MYO6: variants seen among roughly 807,000 people sequenced by gnomAD.
MYO6 encodes the protein myosin VI, also known as unconventional myosin-VI.
MYO6 carries 74 observed loss-of-function variants against 178.7 expected under a neutral mutation model. The observed-to-expected ratio is 0.41, with a 90% CI of 0.34 to 0.50. The LOEUF is 0.50. Among genes scored for constraint, MYO6 ranks in the 20% least tolerant of loss-of-function variants. MYO6 has a pLI of 0.09. For synonymous variants in MYO6, 477 were observed against 504.6 expected (o/e 0.95, Z 0.73); for missense variants, 1,330 against 1,547.4 (o/e 0.86, Z 2.36).
chr6:75,806,349 C>G (rs1770084466), intron 1 of MYO6, among the ~76,000 whole-genome samples: 1 of 150,324 alleles, frequency 6.7e-6, no homozygotes, highest in Admixed American at 6.6e-5. Flanking sequence ...GATCATGCCA[C>G]TGCACTCCAG....
intron 1 of MYO6, among the ~76,000 whole-genome samples, chr6:75,767,278 G>C (rs371847376): frequency 7.2e-5 from 11 of 152,090 alleles, no homozygotes; most frequent in African/African-American, 2.4e-4. Flanking sequence ...TGCCCATCTT[G>C]GCCTCCCAGA....
At position 75,848,428 on chromosome 6, in the gene MYO6, A is replaced by G. The variant is rs777664874; in HGVS notation, c.975A>G (p.Lys325=). The part of the protein sequence containing the change: ...GDFIRMCTAM[K]KIGLDDEEKL... ...TTATTAGAATGTGCACGGCTATGAA[A>G]AAAATTGGTTTGGATGATGAAGAAA... is the stretch of plus-strand genomic sequence containing the variant. Residue 325 remains lysine, a synonymous_variant, in exon 11 of 35, where the codon AAA becomes AAG. Coordinates refer to ENST00000369977, the MANE Select transcript of MYO6 (RefSeq NM_004999.4). The G allele has an allele frequency of 1.2e-6, 2 of 1,613,822 alleles. No individual in the cohort carries two copies. The highest frequency in any genetic ancestry group is 2.7e-5 in the African/African-American group (2 of 74,914).
At position 75,911,671 on chromosome 6, in the gene MYO6, G is replaced by T. The variant is rs1192427114; in HGVS notation, c.3413-1G>T. 1 of 1,611,238 alleles carries T rather than the reference G, an allele frequency of 6.2e-7. No homozygotes were observed. Among genetic ancestry groups the T allele is most frequent in the Non-Finnish European group, 8.5e-7 (1 of 1,177,722 alleles). On this transcript the variant is annotated splice_acceptor_variant, in intron 32 of 34. Coordinates refer to ENST00000369977, the MANE Select transcript of MYO6 (RefSeq NM_004999.4). LOFTEE classifies it high-confidence loss of function. Reference sequence around the variant, plus strand: ...CTTCAACATAAAATATTTGTTCACAGATTTTGCACCATTTTTGAACAATTC... The same window carrying T: ...CTTCAACATAAAATATTTGTTCACATATTTTGCACCATTTTTGAACAATTC...
chr6:75,893,158 CT>C (rs1350614236), intron 28 of MYO6, among the ~76,000 whole-genome samples: 3 of 151,970 alleles, frequency 2.0e-5, no homozygotes, highest in Non-Finnish European at 4.4e-5. Flanking sequence ...TCTGCAATGC[CT>C]CAGAATAAAT....
At position 75,752,585 on chromosome 6, in the gene MYO6, G is replaced by T. The variant is rs12660075; in HGVS notation, c.-48+3162G>T. 0.01 allele frequency among the ~76,000 whole-genome samples: 1,553 copies of T among 152,248 alleles called. 48 individuals are homozygous for T. The East Asian group carries it at 0.13, about 13-fold the overall frequency. ...GTTTGCCTTGGTTTCAGTTCACTTG[G>T]TGGACTGTTTAAACCGGCAAAACTG... On this transcript the variant is annotated intron_variant, in intron 1 of 34. Coordinates refer to ENST00000369977, the MANE Select transcript of MYO6 (RefSeq NM_004999.4).
chr6:75,910,604 C>A (rs1780688870), intron 32 of MYO6, among the ~76,000 whole-genome samples: 1 of 152,142 alleles, frequency 6.6e-6, no homozygotes, highest in Non-Finnish European at 1.5e-5. Context: ...CACAACCCCA[C>A]ACATACATAT....
At chr6:75,839,346 G>A (rs1373639142) in intron 7 of MYO6, among the ~76,000 whole-genome samples, 2 of 151,812 alleles carry the variant, frequency 1.3e-5, no homozygotes, top group Non-Finnish European at 2.9e-5. Flanking sequence ...CTGCCACCAC[G>A]CCTGGCTAAT....
chr6:75,874,554 T>C (rs13202519), intron 20 of MYO6, among the ~76,000 whole-genome samples: 60,330 of 152,036 alleles, frequency 0.4, 12,879 homozygotes, highest in Middle Eastern at 0.54. Context: ...ACCTTCCCTC[T>C]TGTTGAGAAA....
intron 1 of MYO6, among the ~76,000 whole-genome samples, chr6:75,811,951 AACTT>A (rs1770734798): frequency 6.6e-6 from 1 of 152,222 alleles, no homozygotes; most frequent in African/African-American, 2.4e-5. Context: ...GAGGTTAAAT[AACTT>A]ACTTAAGAGC....
At chr6:75,897,930 C>T (rs568079043) in intron 29 of MYO6, among the ~76,000 whole-genome samples, 5 of 152,306 alleles carry the variant, frequency 3.3e-5, no homozygotes, top group African/African-American at 9.6e-5. Flanking sequence ...CTTTTTAAAA[C>T]TCTGACGCTG....
chr6:75,905,373 C>T (rs1461922160), intron 30 of MYO6, among the ~76,000 whole-genome samples: 5 of 152,318 alleles, frequency 3.3e-5, no homozygotes, highest in East Asian at 1.9e-4. Flanking sequence ...CAAGAGACTC[C>T]GTGGGCGTAG....
At chr6:75,869,541 A>T (rs1208011751) in intron 18 of MYO6, among the ~76,000 whole-genome samples, 1 of 152,204 alleles carries the variant, frequency 6.6e-6, no homozygotes, top group Non-Finnish European at 1.5e-5. Flanking sequence ...TACTAATTAT[A>T]GCTATGATTA....
At chr6:75,809,216 C>T (rs541661642) in intron 1 of MYO6, among the ~76,000 whole-genome samples, 1 of 152,290 alleles carries the variant, frequency 6.6e-6, no homozygotes, top group African/African-American at 2.4e-5. Flanking sequence ...GACATAGTCC[C>T]CAGCTTGACT....
In MYO6 at chr6:75,915,422, A is replaced by G. The variant is rs767119234; in HGVS notation, c.*410A>G. 4.9e-6 allele frequency: 1 copy of G among 203,582 alleles called. No individual in the cohort carries two copies. The allele number at this position is 203,582 out of a possible 1,614,324, so 12.6% of individuals were successfully genotyped here. ...TAAAACATGAGCTTACATTCTTACA[A>G]TAACTAAACCACTTAAAATGATCAA... On this transcript the variant is annotated 3_prime_UTR_variant, in exon 35 of 35. Transcript: ENST00000369977.
intron 1 of MYO6, among the ~76,000 whole-genome samples, chr6:75,815,399 G>T (rs564109000): frequency 6.6e-6 from 1 of 152,268 alleles, no homozygotes; most frequent in African/African-American, 2.4e-5. Context: ...TTCATGAAGA[G>T]GTGTCCAGTA....
At chr6:75,809,071 C>T (rs375461218) in intron 1 of MYO6, among the ~76,000 whole-genome samples, 11 of 152,310 alleles carry the variant, frequency 7.2e-5, no homozygotes, top group East Asian at 3.9e-4. Flanking sequence ...TGAGCCTCAG[C>T]GAGATGACTG....
At chr6:75,911,253 C>G (rs1780735807) in intron 32 of MYO6, among the ~76,000 whole-genome samples, 1 of 151,528 alleles carries the variant, frequency 6.6e-6, no homozygotes. Context: ...ATACTGTTAC[C>G]AAAACGTAGT....
chr6:75,886,197 C>T, intron 24 of MYO6, 103 bp downstream of exon 24: 1 of 736,240 alleles, frequency 1.4e-6, no homozygotes, highest in Admixed American at 2.6e-5. Flanking sequence ...CTCAGGTTTT[C>T]TCATGTTCTT....
In MYO6 at chr6:75,758,705, G is replaced by A. The variant is rs1484981732; in HGVS notation, c.-48+9282G>A. 3.9e-5 allele frequency among the ~76,000 whole-genome samples: 6 copies of A among 152,038 alleles called. No homozygotes were observed. In the East Asian group the frequency reaches 5.8e-4, roughly 15 times the overall value. On this transcript the variant is annotated intron_variant, in intron 1 of 34. Transcript: ENST00000369977. ...GCTCTCCTGACCTCGTGATCTGCCC[G>A]ACTCGGCCTCCCAGAGTGTTGGGAT...
Sources: allele counts gnomAD v4.1 joint callset (sites outside exome capture counted in the v4.1 genomes callset), GRCh38; gene constraint gnomAD v4.1.1; transcripts MANE v1.5; gene names NCBI Gene and HGNC (gene_info 2026-07-23, HGNC 2026-07-21).